TRAPPC9: variants seen among roughly 807,000 people sequenced by gnomAD.
TRAPPC9 encodes the protein trafficking protein particle complex subunit 9, also known as IKK2 binding protein.
Under a neutral mutation model 124.0 loss-of-function variants are expected in TRAPPC9, and 83 were observed. That is an observed-to-expected ratio of 0.67 (90% CI 0.56 to 0.80). TRAPPC9 has a LOEUF of 0.80. Among genes scored for constraint, TRAPPC9 ranks in the 30% least tolerant of loss-of-function variants. The pLI is 0.00. For missense variants in TRAPPC9, 1,302 were observed against 1,508.3 expected, an observed-to-expected ratio of 0.86 and a Z score of 2.27; for synonymous variants, 638 against 617.5, an observed-to-expected ratio of 1.03 and a Z score of -0.49.
intron 17 of TRAPPC9, among the ~76,000 whole-genome samples, chr8:140,132,386 T>C (rs2061224633): frequency 1.3e-5 from 2 of 152,206 alleles, no homozygotes; most frequent in South Asian, 4.1e-4. Flanking sequence ...CCAGAGGCGT[T>C]TGTAAAACAG....
At chr8:140,220,120 TAAGTC>T (rs1179178353) in intron 17 of TRAPPC9, among the ~76,000 whole-genome samples, 1 of 152,008 alleles carries the variant, frequency 6.6e-6, no homozygotes, top group African/African-American at 2.4e-5. Flanking sequence ...TCCACGAAGG[TAAGTC>T]AAGGCAAGTT....
rs559775401 is a variant in TRAPPC9 at position 139,987,204 on chromosome 8, A to AG, written c.2810+1521dup. ...GACACCTGGCCTCTATTTTCTGGCT[A>AG]GAACGTTGTATAGGTCTTCTTGTGA... On this transcript the variant is annotated intron_variant, in intron 19 of 22. Transcript: ENST00000438773. Among the ~76,000 whole-genome samples, 376 of 152,356 alleles carry AG rather than the reference A, an allele frequency of 2.5e-3. 1 individual carries two copies. The highest frequency in any genetic ancestry group is 8.6e-3 in the African/African-American group (358 of 41,586).
At chr8:140,323,819 A>G (rs978705303) in intron 9 of TRAPPC9, among the ~76,000 whole-genome samples, 1 of 152,226 alleles carries the variant, frequency 6.6e-6, no homozygotes, top group African/African-American at 2.4e-5. Context: ...ACCCATCCAC[A>G]CAAAACTCGA....
Position 139,754,511 on chromosome 8 carries a change from C to A in TRAPPC9, c.3056-22309G>T, listed in dbSNP as rs574033809. On this transcript the variant is annotated intron_variant, in intron 21 of 22. Transcript: ENST00000438773. The stretch of plus-strand genomic sequence containing the variant: ...GTGCTGCCGTGACCGAGATCACAGA[C>A]CCTTCCTGGGGTGACCTACATGCGG... Among the ~76,000 whole-genome samples, 174 of 152,318 alleles carry A rather than the reference C, an allele frequency of 1.1e-3. 1 individual carries two copies. Among genetic ancestry groups the A allele is most frequent in the African/African-American group, 3.8e-3 (159 of 41,590 alleles).
At chr8:139,978,748 C>A (rs1014566889) in intron 19 of TRAPPC9, among the ~76,000 whole-genome samples, 1 of 152,318 alleles carries the variant, frequency 6.6e-6, no homozygotes, top group Admixed American at 6.5e-5. Context: ...CCCTTTCACT[C>A]GGGCACCTTC....
At chr8:140,288,231 T>A (rs1300036161) in intron 12 of TRAPPC9, among the ~76,000 whole-genome samples, 1 of 152,136 alleles carries the variant, frequency 6.6e-6, no homozygotes, top group Non-Finnish European at 1.5e-5. Flanking sequence ...TGGTCCCAAC[T>A]ACTTGGGAGA....
At chr8:139,940,792 C>A (rs2131441766) in intron 19 of TRAPPC9, among the ~76,000 whole-genome samples, 1 of 152,360 alleles carries the variant, frequency 6.6e-6, no homozygotes, top group Admixed American at 6.5e-5. Context: ...AAATTAGGAG[C>A]CAACCACAGC....
chr8:140,424,854 C>T (rs796422043), intron 5 of TRAPPC9, among the ~76,000 whole-genome samples: 3 of 151,918 alleles, frequency 2.0e-5, no homozygotes, highest in African/African-American at 4.8e-5. Context: ...GTGAGGAAAG[C>T]GGGTAGGAAA....
chr8:140,191,483 AGTGAGTTCAC>A (rs1190373695), intron 17 of TRAPPC9, among the ~76,000 whole-genome samples: 1 of 152,140 alleles, frequency 6.6e-6, no homozygotes, highest in Non-Finnish European at 1.5e-5. Context: ...TTTGGTGACA[AGTGAGTTCAC>A]GTGAGATCTA....
intron 17 of TRAPPC9, among the ~76,000 whole-genome samples, chr8:140,055,049 G>A (rs979458714): frequency 6.6e-6 from 1 of 152,122 alleles, no homozygotes; most frequent in South Asian, 2.1e-4. Flanking sequence ...ATTTTAGGAG[G>A]CCAGCATTAT....
intron 17 of TRAPPC9, among the ~76,000 whole-genome samples, chr8:140,124,568 G>T (rs561010696): frequency 2.6e-5 from 1 of 39,198 alleles, no homozygotes; most frequent in East Asian, 2.7e-4. Flanking sequence ...TCTTTGGGCG[G>T]GGGGGCATTA....
rs187970508 is a variant in TRAPPC9, at chr8:140,031,721, T to C, written c.2557-7642A>G. 3.9e-5 allele frequency among the ~76,000 whole-genome samples: 6 copies of C among 152,336 alleles called. No individual in the cohort carries two copies. The East Asian group carries it at 1.2e-3, about 29-fold the overall frequency. Reference sequence around the variant, plus strand: ...TTTCAACCAAAGTTTTTCTTCAGTGTTAATGATGCCTTCAAGATGCCAAGT... The same window carrying C: ...TTTCAACCAAAGTTTTTCTTCAGTGCTAATGATGCCTTCAAGATGCCAAGT... On this transcript the variant is annotated intron_variant, in intron 17 of 22. Coordinates refer to ENST00000438773, the MANE Select transcript of TRAPPC9 (RefSeq NM_001160372.4).
intron 20 of TRAPPC9, among the ~76,000 whole-genome samples, chr8:139,904,004 C>G (rs1377446548): frequency 1.3e-5 from 2 of 152,154 alleles, no homozygotes; most frequent in African/African-American, 4.8e-5. Context: ...GAGTGAAACT[C>G]TGTCTCAAAA....
At chr8:140,057,891 G>A (rs990275701) in intron 17 of TRAPPC9, among the ~76,000 whole-genome samples, 1 of 152,210 alleles carries the variant, frequency 6.6e-6, no homozygotes, top group Non-Finnish European at 1.5e-5. Context: ...AGGTGGCCCA[G>A]CGTCTGATCC....
At chr8:139,871,379 C>G (rs1828889707) in intron 21 of TRAPPC9, among the ~76,000 whole-genome samples, 1 of 152,172 alleles carries the variant, frequency 6.6e-6, no homozygotes, top group Non-Finnish European at 1.5e-5. Flanking sequence ...GTTTTCAGAA[C>G]CTGACAGCTG....
chr8:139,790,371 G>T (rs1229549551), intron 21 of TRAPPC9, among the ~76,000 whole-genome samples: 1 of 152,210 alleles, frequency 6.6e-6, no homozygotes, highest in Non-Finnish European at 1.5e-5. Context: ...AGAGACCGGG[G>T]AGCGCTTTGT....
rs867826721 is a variant in TRAPPC9, at chr8:140,077,781, G to A, written c.2557-53702C>T. ...GAGATGGGGAGAAAGCAATGCAGGC[G>A]GAAGAATGATTGTGTAGAAAACGGA... On this transcript the variant is annotated intron_variant, in intron 17 of 22. Transcript: ENST00000438773. Among the ~76,000 whole-genome samples, 10 of 152,178 alleles carry A rather than the reference G, an allele frequency of 6.6e-5. No homozygotes were observed. In the South Asian group the frequency reaches 1.7e-3, roughly 25 times the overall value.
At chr8:140,107,889 T>C (rs1260992276) in intron 17 of TRAPPC9, among the ~76,000 whole-genome samples, 1 of 151,806 alleles carries the variant, frequency 6.6e-6, no homozygotes, top group Non-Finnish European at 1.5e-5. Flanking sequence ...GTCTGGCAGT[T>C]TCCATCTTGC....
At chr8:139,888,017 TG>T (rs760399645) in intron 20 of TRAPPC9, among the ~76,000 whole-genome samples, 21 of 152,260 alleles carry the variant, frequency 1.4e-4, no homozygotes, top group Non-Finnish European at 2.2e-4. Context: ...GTGGGCCTGC[TG>T]ATGGCTTCTG....
Sources: allele counts gnomAD v4.1 joint callset (sites outside exome capture counted in the v4.1 genomes callset), GRCh38; gene constraint gnomAD v4.1.1; transcripts MANE v1.5; gene names NCBI Gene and HGNC (gene_info 2026-07-23, HGNC 2026-07-21).